JAZF1: variants seen among roughly 807,000 people sequenced by gnomAD.
The protein encoded by JAZF1 is juxtaposed with another zinc finger protein 1.
JAZF1 carries 8 observed loss-of-function variants against 26.4 expected under a neutral mutation model. That is an observed-to-expected ratio of 0.30 (90% CI 0.18 to 0.55). The LOEUF is 0.55. Ranked by LOEUF, JAZF1 falls within the 20% of genes least tolerant of loss-of-function variation. The probability of loss-of-function intolerance (pLI) is 0.94; values close to 1 mark genes in which losing one functional copy is unlikely to be tolerated. For missense variants in JAZF1, 199 were observed against 322.0 expected (o/e 0.62, Z 2.92); for synonymous variants, 126 against 122.3 (o/e 1.03, Z -0.20).
At chr7:27,998,063 AAGGAAGGAAGGC>A (rs1368417045) in intron 1 of JAZF1, among the ~76,000 whole-genome samples, 3 of 72,188 alleles carry the variant, frequency 4.2e-5, no homozygotes, top group East Asian at 2.0e-4. Flanking sequence ...GGAAGGAAGG[AAGGAAGGAAGGC>A]AGGCAGGCAG....
intron 1 of JAZF1, among the ~76,000 whole-genome samples, chr7:28,162,885 G>T (rs1162618351): frequency 6.6e-6 from 1 of 152,172 alleles, no homozygotes; most frequent in African/African-American, 2.4e-5. Flanking sequence ...AATCTAATCT[G>T]GTCCTTGGAG....
intron 1 of JAZF1, among the ~76,000 whole-genome samples, chr7:28,156,320 T>A (rs2127950106): frequency 6.6e-6 from 1 of 152,302 alleles, no homozygotes; most frequent in South Asian, 2.1e-4. Flanking sequence ...GTGGTGGTGG[T>A]GGTCACCTGG....
chr7:27,859,852 G>A (rs1328516292), intron 3 of JAZF1, among the ~76,000 whole-genome samples: 2 of 152,166 alleles, frequency 1.3e-5, no homozygotes, highest in Non-Finnish European at 2.9e-5. Context: ...CATGTATACA[G>A]AACTTAAAGT....
intron 1 of JAZF1, among the ~76,000 whole-genome samples, chr7:28,102,079 C>T (rs1027729382): frequency 2.0e-5 from 3 of 152,136 alleles, no homozygotes; most frequent in African/African-American, 4.8e-5. Context: ...GCACCAACAA[C>T]CCCTCCCAGC....
At chr7:28,091,169 T>G (rs1387276502) in intron 1 of JAZF1, among the ~76,000 whole-genome samples, 1 of 152,138 alleles carries the variant, frequency 6.6e-6, no homozygotes, top group East Asian at 1.9e-4. Context: ...AAATTATTAC[T>G]ATTTTTTCTA....
intron 1 of JAZF1, among the ~76,000 whole-genome samples, chr7:28,088,297 G>A (rs1416518762): frequency 3.3e-5 from 5 of 152,132 alleles, no homozygotes; most frequent in African/African-American, 1.2e-4. Flanking sequence ...TCTCTCTTCC[G>A]CATTGCTAAA....
At chr7:28,084,467 C>A (rs184760047) in intron 1 of JAZF1, among the ~76,000 whole-genome samples, 90 of 152,304 alleles carry the variant, frequency 5.9e-4, no homozygotes, top group African/African-American at 2.1e-3. Context: ...GTTCTGACCA[C>A]GGCCTCCAAT....
At chr7:28,171,530 G>A (rs1783469525) in intron 1 of JAZF1, among the ~76,000 whole-genome samples, 1 of 152,208 alleles carries the variant, frequency 6.6e-6, no homozygotes, top group South Asian at 2.1e-4. Context: ...GTGCACAGGA[G>A]GTGACCACAC....
At chr7:28,093,336 T>C (rs1562584632) in intron 1 of JAZF1, among the ~76,000 whole-genome samples, 1 of 152,148 alleles carries the variant, frequency 6.6e-6, no homozygotes, top group Non-Finnish European at 1.5e-5. Flanking sequence ...CGACGCATTC[T>C]CTCTTGTCTG....
chr7:28,115,202 C>T (rs948556162), intron 1 of JAZF1, among the ~76,000 whole-genome samples: 1 of 152,102 alleles, frequency 6.6e-6, no homozygotes, highest in African/African-American at 2.4e-5. Flanking sequence ...GGCCAAGCCA[C>T]ATATGTAATT....
intron 2 of JAZF1, among the ~76,000 whole-genome samples, chr7:27,964,622 C>T (rs1389731024): frequency 6.7e-6 from 1 of 149,596 alleles, no homozygotes; most frequent in Non-Finnish European, 1.5e-5. Flanking sequence ...TTTACTATTT[C>T]CCTAATAATC....
In JAZF1 at chr7:27,985,956, C is replaced by T. The variant is rs1327144869; in HGVS notation, c.188+5953G>A. 5.9e-5 allele frequency among the ~76,000 whole-genome samples: 9 copies of T among 152,172 alleles called. 1 individual carries two copies. In the East Asian group the frequency reaches 1.5e-3, roughly 26 times the overall value. ...CTAGGTATTGATGGGACATATCTGA[C>T]ATATCTCAAAATAATAAGAGCTATT... On this transcript the variant is annotated intron_variant, in intron 2 of 4. Coordinates refer to ENST00000283928, the MANE Select transcript of JAZF1 (RefSeq NM_175061.4).
chr7:28,097,446 A>G (rs888618303), intron 1 of JAZF1, among the ~76,000 whole-genome samples: 2 of 152,228 alleles, frequency 1.3e-5, no homozygotes, highest in Admixed American at 1.3e-4. Flanking sequence ...AATTCCACAG[A>G]GCCTTTTACT....
chr7:28,170,783 A>C (rs980219619), intron 1 of JAZF1, among the ~76,000 whole-genome samples: 1 of 152,180 alleles, frequency 6.6e-6, no homozygotes, highest in Non-Finnish European at 1.5e-5. Context: ...ATGAAAATGC[A>C]AACATCTTGT....
At chr7:27,926,898 C>T (rs1784608299) in intron 2 of JAZF1, among the ~76,000 whole-genome samples, 1 of 152,140 alleles carries the variant, frequency 6.6e-6, no homozygotes, top group Non-Finnish European at 1.5e-5. Context: ...GTATTGACAG[C>T]ATTGATATCA....
chr7:28,164,278 G>C (rs1376704085), intron 1 of JAZF1, among the ~76,000 whole-genome samples: 2 of 152,176 alleles, frequency 1.3e-5, no homozygotes, highest in South Asian at 2.1e-4. Flanking sequence ...CTGAGTTTTG[G>C]GATAGTTTGT....
intron 1 of JAZF1, among the ~76,000 whole-genome samples, chr7:28,011,348 T>C (rs534048783): frequency 1.3e-5 from 2 of 152,344 alleles, no homozygotes; most frequent in East Asian, 1.9e-4. Flanking sequence ...TTTTGAGTTT[T>C]AGAATGCATT....
intron 1 of JAZF1, among the ~76,000 whole-genome samples, chr7:28,044,220 T>A (rs1783454358): frequency 6.6e-6 from 1 of 152,192 alleles, no homozygotes; most frequent in Non-Finnish European, 1.5e-5. Context: ...ATATCTCATC[T>A]CTTCTTAGCT....
At chr7:27,839,157 G>A (rs1782875754) in intron 4 of JAZF1, among the ~76,000 whole-genome samples, 1 of 152,248 alleles carries the variant, frequency 6.6e-6, no homozygotes, top group Non-Finnish European at 1.5e-5. Context: ...AGAACCCAGG[G>A]CGTAGCTTGT....
Sources: gnomAD v4.1 joint callset for allele counts (sites outside exome capture counted in the v4.1 genomes callset) on GRCh38, gnomAD v4.1.1 for gene constraint, MANE v1.5 for transcripts, NCBI Gene and HGNC (gene_info 2026-07-23, HGNC 2026-07-21) for gene names.